DOCK3: variants seen among roughly 807,000 people sequenced by gnomAD.
DOCK3 encodes dedicator of cytokinesis protein 3.
DOCK3 carries 60 observed loss-of-function variants against 265.6 expected under a neutral mutation model. The ratio of observed to expected loss-of-function variants is 0.23; its 90% confidence interval spans 0.18 to 0.28. The LOEUF (loss-of-function observed/expected upper bound fraction) is 0.28, where lower values mean the gene tolerates loss of function less well. DOCK3 is among the 10% of genes least tolerant of loss of function. The pLI, the probability that DOCK3 is intolerant of heterozygous loss-of-function variation, is 1.00. For missense variants in DOCK3, 1,981 were observed against 2,594.3 expected (o/e 0.76, Z 5.14); for synonymous variants, 881 against 938.0 (o/e 0.94, Z 1.11).
At chr3:50,719,268 C>CTTTTTTTT (rs71084106) in intron 1 of DOCK3, among the ~76,000 whole-genome samples, 12 of 138,592 alleles carry the variant, frequency 8.7e-5, no homozygotes, top group South Asian at 2.3e-4. Context: ...TAGATATTTT[C>CTTTTTTTT]TTTTTTTTTT....
chr3:51,146,722 C>A lies in DOCK3; in HGVS notation c.828+92C>A. On this transcript the variant is annotated intron_variant, in intron 10 of 52. Transcript: ENST00000266037. The stretch of plus-strand genomic sequence containing the variant: ...GTCACCCTGGAAACAAGCATTTAGT[C>A]TTATTTCCATATACACTGGGGAGAA... The A allele has an allele frequency of 2.5e-6, 3 of 1,180,886 alleles. 1 individual carries two copies. The highest frequency in any genetic ancestry group is 1.4e-5 in the South Asian group (1 of 73,614). The allele number at this position is 1,180,886 out of a possible 1,614,324, so 73.2% of individuals were successfully genotyped here. A position where few individuals can be genotyped will look rare whatever the true frequency, so the allele number is the denominator to read the frequency against.
chr3:50,978,825 A>T (rs1218791614), intron 5 of DOCK3, among the ~76,000 whole-genome samples: 2 of 152,224 alleles, frequency 1.3e-5, no homozygotes, highest in African/African-American at 4.8e-5. Context: ...CCTCCGAGCC[A>T]CGTGCGGGAT....
At chr3:50,787,761 C>A (rs2042259424) in intron 2 of DOCK3, 1 of 1,157,490 alleles carries the variant, frequency 8.6e-7, no homozygotes, top group African/African-American at 1.5e-5. Context: ...TCTCCTTTTT[C>A]TTCTGCTTAT....
chr3:51,015,162 A>T, intron 5 of DOCK3, among the ~76,000 whole-genome samples: 1 of 152,096 alleles, frequency 6.6e-6, no homozygotes, highest in Admixed American at 6.6e-5. Flanking sequence ...GACTTCCAGT[A>T]CTATTTTGAA....
chr3:50,987,519 A>G (rs1345216274), intron 5 of DOCK3, among the ~76,000 whole-genome samples: 4 of 152,218 alleles, frequency 2.6e-5, no homozygotes, highest in African/African-American at 7.2e-5. Flanking sequence ...TGTGGTTTAC[A>G]ATAGCAACTT....
At chr3:50,717,749 A>G (rs1415536738) in intron 1 of DOCK3, among the ~76,000 whole-genome samples, 7 of 152,024 alleles carry the variant, frequency 4.6e-5, no homozygotes, top group Admixed American at 4.6e-4. Flanking sequence ...CAGCCTCCCG[A>G]GTAGCTGGGA....
chr3:51,034,156 G>A (rs1025237921), intron 5 of DOCK3, among the ~76,000 whole-genome samples: 9 of 151,992 alleles, frequency 5.9e-5, no homozygotes, highest in Admixed American at 2.0e-4. Context: ...TGCATTTTCC[G>A]TGAATTTTTT....
intron 5 of DOCK3, among the ~76,000 whole-genome samples, chr3:51,007,425 T>C (rs2078726772): frequency 6.6e-6 from 1 of 152,228 alleles, no homozygotes; most frequent in Non-Finnish European, 1.5e-5. Context: ...ATGTCTTCTT[T>C]TGAGAAGTGT....
Position 51,275,225 on chromosome 3 carries a change from C to G in DOCK3, c.2676+19C>G, listed in dbSNP as rs369323251. On this transcript the variant is annotated intron_variant, in intron 25 of 52. Coordinates refer to ENST00000266037, the MANE Select transcript of DOCK3 (RefSeq NM_004947.5). ...CTCTCTGGTAGTGGCCCCACACCCA[C>G]TCCACCCTGTTCAGCTCTTCCCTAG... is the stretch of plus-strand genomic sequence containing the variant. The G allele has an allele frequency of 3.1e-6, 5 of 1,613,462 alleles. No individual in the cohort carries two copies. The highest frequency in any genetic ancestry group is 4.2e-6 in the Non-Finnish European group (5 of 1,179,820).
At chr3:51,113,159 T>C (rs2083592686) in intron 9 of DOCK3, among the ~76,000 whole-genome samples, 1 of 152,090 alleles carries the variant, frequency 6.6e-6, no homozygotes, top group South Asian at 2.1e-4. Context: ...GTTTATGTTC[T>C]AGAGGGGGAG....
intron 1 of DOCK3, among the ~76,000 whole-genome samples, chr3:50,681,594 A>T (rs2034416137): frequency 6.6e-6 from 1 of 152,194 alleles, no homozygotes; most frequent in East Asian, 1.9e-4. Context: ...AAAACCTTAA[A>T]TTTTTTTTAT....
At chr3:50,889,245 G>T (rs1343463811) in intron 3 of DOCK3, among the ~76,000 whole-genome samples, 1 of 151,796 alleles carries the variant, frequency 6.6e-6, no homozygotes, top group African/African-American at 2.4e-5. Flanking sequence ...CACCACACCT[G>T]GCTAACTTTC....
chr3:50,769,811 C>CAAAAAAAAAAAAAAAAAAAA (rs3066895), intron 1 of DOCK3, among the ~76,000 whole-genome samples: 1 of 88,536 alleles, frequency 1.1e-5, no homozygotes. Context: ...GACTCTGTCT[C>CAAAAAAAAAAAAAAAAAAAA]AAAAAAAAAA....
chr3:50,684,179 T>C (rs1485150987), intron 1 of DOCK3, among the ~76,000 whole-genome samples: 1 of 152,128 alleles, frequency 6.6e-6, no homozygotes. Flanking sequence ...AAATAAGCAT[T>C]GCTGCTTCTA....
chr3:51,149,152 G>A (rs377061278), intron 10 of DOCK3, among the ~76,000 whole-genome samples: 1 of 152,134 alleles, frequency 6.6e-6, no homozygotes, highest in Non-Finnish European at 1.5e-5. Context: ...TCTGTTATTG[G>A]TGTAGAGGAA....
chr3:51,056,473 G>C (rs6779430), intron 5 of DOCK3, among the ~76,000 whole-genome samples: 137,198 of 152,178 alleles, frequency 0.9, 62,043 homozygotes, highest in African/African-American at 0.95. Context: ...TGGTCTCGAT[G>C]TCCTGACCTC....
chr3:51,090,615 C>T (rs1406070363), intron 9 of DOCK3, among the ~76,000 whole-genome samples: 7 of 152,110 alleles, frequency 4.6e-5, no homozygotes, highest in Admixed American at 4.6e-4. Context: ...AGCTCAAAAT[C>T]GAGTCTTGGC....
intron 10 of DOCK3, among the ~76,000 whole-genome samples, chr3:51,148,782 C>T (rs891948058): frequency 1.3e-5 from 2 of 152,122 alleles, no homozygotes; most frequent in African/African-American, 4.8e-5. Context: ...AATGTGATGC[C>T]TCCAGCTTTG....
intron 25 of DOCK3, among the ~76,000 whole-genome samples, chr3:51,276,904 T>C (rs2080847542): frequency 6.6e-6 from 1 of 152,312 alleles, no homozygotes; most frequent in East Asian, 1.9e-4. Flanking sequence ...AATAGGATAA[T>C]AGACTCTTCC....
Sources: allele counts gnomAD v4.1 joint callset (sites outside exome capture counted in the v4.1 genomes callset), GRCh38; gene constraint gnomAD v4.1.1; transcripts MANE v1.5; gene names NCBI Gene and HGNC (gene_info 2026-07-23, HGNC 2026-07-21).